The following PPP2R2A variants were observed in gnomAD, a reference collection of about 807,000 sequenced individuals.
PPP2R2A encodes protein phosphatase 2 regulatory subunit Balpha.
In PPP2R2A, 9 loss-of-function variants were observed where a neutral mutation model predicts 53.2. The observed-to-expected ratio is 0.17, with a 90% CI of 0.10 to 0.30. The LOEUF (loss-of-function observed/expected upper bound fraction) is 0.30. Among genes scored for constraint, PPP2R2A ranks in the 10% least tolerant of loss-of-function variants. PPP2R2A has a pLI of 1.00. For missense variants in PPP2R2A, 235 were observed against 534.6 expected, an observed-to-expected ratio of 0.44 and a Z score of 5.53; for synonymous variants, 169 against 174.2, an observed-to-expected ratio of 0.97 and a Z score of 0.23.
intron 3 of PPP2R2A, among the ~76,000 whole-genome samples, chr8:26,343,668 G>A (rs1362825928): frequency 3.9e-5 from 6 of 152,208 alleles, no homozygotes; most frequent in African/African-American, 1.4e-4. Flanking sequence ...GTGAGCCACC[G>A]TGCCTGGCCA....
intron 2 of PPP2R2A, among the ~76,000 whole-genome samples, chr8:26,312,896 T>C (rs1442594188): frequency 6.6e-6 from 1 of 152,192 alleles, no homozygotes; most frequent in Non-Finnish European, 1.5e-5. Flanking sequence ...CTCATGTATA[T>C]AGTTTTTAAA....
At chr8:26,356,605 T>A (rs1432274903) in intron 4 of PPP2R2A, among the ~76,000 whole-genome samples, 6 of 151,338 alleles carry the variant, frequency 4.0e-5, no homozygotes, top group African/African-American at 1.2e-4. Context: ...TTTTAGACAC[T>A]GTTCTTTGGC....
chr8:26,344,027 G>C (rs1332908614), intron 3 of PPP2R2A, among the ~76,000 whole-genome samples: 2 of 152,000 alleles, frequency 1.3e-5, no homozygotes, highest in African/African-American at 4.8e-5. Context: ...TGCCAGCTGG[G>C]GGCCCAGGTA....
chr8:26,298,122 G>T (rs1157991002), intron 2 of PPP2R2A, among the ~76,000 whole-genome samples: 1 of 152,208 alleles, frequency 6.6e-6, no homozygotes, highest in African/African-American at 2.4e-5. Flanking sequence ...GGCCCTTGTG[G>T]GCTATCTTGA....
At chr8:26,313,004 C>T (rs1025123219) in intron 2 of PPP2R2A, among the ~76,000 whole-genome samples, 3 of 151,320 alleles carry the variant, frequency 2.0e-5, no homozygotes, top group Non-Finnish European at 4.4e-5. Context: ...ACTCTTTTAG[C>T]TATTTCTTCT....
At chr8:26,319,630 C>T (rs1016335510) in intron 2 of PPP2R2A, among the ~76,000 whole-genome samples, 1 of 151,966 alleles carries the variant, frequency 6.6e-6, no homozygotes, top group Non-Finnish European at 1.5e-5. Context: ...TTTCCCCATT[C>T]GTTGGTCTTG....
intron 2 of PPP2R2A, among the ~76,000 whole-genome samples, chr8:26,296,667 G>A (rs766634431): frequency 6.6e-5 from 10 of 152,182 alleles, no homozygotes; most frequent in Non-Finnish European, 1.3e-4. Flanking sequence ...CAGGCATGAA[G>A]CTGCTCTGTC....
At chr8:26,327,307 C>T (rs1803140767) in intron 2 of PPP2R2A, among the ~76,000 whole-genome samples, 1 of 152,204 alleles carries the variant, frequency 6.6e-6, no homozygotes, top group African/African-American at 2.4e-5. Flanking sequence ...TACTGCCCTT[C>T]CCGCCCTTCA....
chr8:26,358,577 C>T (rs1361086455), intron 4 of PPP2R2A, among the ~76,000 whole-genome samples: 2 of 152,178 alleles, frequency 1.3e-5, no homozygotes, highest in Non-Finnish European at 2.9e-5. Flanking sequence ...AACTATCATT[C>T]TTCTGTACGA....
intron 2 of PPP2R2A, among the ~76,000 whole-genome samples, chr8:26,299,164 C>T (rs1801671836): frequency 6.6e-6 from 1 of 151,896 alleles, no homozygotes; most frequent in African/African-American, 2.4e-5. Context: ...GTCCCAGCTA[C>T]TAAGGAGGCT....
intron 2 of PPP2R2A, among the ~76,000 whole-genome samples, chr8:26,302,259 A>G (rs919271632): frequency 1.3e-5 from 2 of 152,204 alleles, no homozygotes; most frequent in African/African-American, 4.8e-5. Context: ...CCCATGATGA[A>G]ATTTGAGCTT....
At chr8:26,300,475 G>C (rs1314783470) in intron 2 of PPP2R2A, among the ~76,000 whole-genome samples, 1 of 152,160 alleles carries the variant, frequency 6.6e-6, no homozygotes, top group African/African-American at 2.4e-5. Flanking sequence ...ATCCTCAACT[G>C]TAATCTCGTT....
chr8:26,360,558 C>T lies in PPP2R2A; in HGVS notation c.459+277C>T. On this transcript the variant is annotated intron_variant, in intron 5 of 9. Coordinates refer to ENST00000380737, the MANE Select transcript of PPP2R2A (RefSeq NM_002717.4). This position sits in a 1 kb window ranked among gnomAD's most constrained non-coding sequence, Gnocchi z 4.5. ...TTTGTCATGTTAGCTATCACAAGGT[C>T]AAGTTTCAAGATAAATTTTCTTTGG... 1 of 294,586 alleles carries T rather than the reference C, an allele frequency of 3.4e-6. No individual in the cohort carries two copies. The highest frequency in any genetic ancestry group is 6.2e-6 in the Non-Finnish European group (1 of 161,908). The allele number at this position is 294,586 out of a possible 1,614,324, so 18.2% of individuals were successfully genotyped here. A position where few individuals can be genotyped will look rare whatever the true frequency, so the allele number is the denominator to read the frequency against.
At chr8:26,369,483 C>A (rs1014097573) in intron 9 of PPP2R2A, among the ~76,000 whole-genome samples, 1 of 152,066 alleles carries the variant, frequency 6.6e-6, no homozygotes, top group South Asian at 2.1e-4. Context: ...CTCCACCTCC[C>A]GGGTTCACAC....
chr8:26,366,446 G>T, intron 9 of PPP2R2A, 40 bp downstream of exon 9: 1 of 1,436,884 alleles, frequency 7.0e-7, no homozygotes, highest in Non-Finnish European at 9.5e-7. Context: ...TTTTATTAAA[G>T]AAAAGAAACA....
Position 26,362,030 on chromosome 8 carries a change from TA to T in PPP2R2A, c.638-652del, listed in dbSNP as rs1288811764. ...TATTAAGATTAGATTAAGATTAGAT[TA>T]AGATTAATCTTAAGATTAGATTAAG... On this transcript the variant is annotated intron_variant, in intron 6 of 9. Coordinates refer to ENST00000380737, the MANE Select transcript of PPP2R2A (RefSeq NM_002717.4). The surrounding 1 kb of genome is among the most constrained non-coding windows in gnomAD (Gnocchi z 4.4). 7.1e-6 allele frequency among the ~76,000 whole-genome samples: 1 copy of T among 140,852 alleles called. No homozygotes were observed. Among genetic ancestry groups the T allele is most frequent in the African/African-American group, 2.7e-5 (1 of 37,106 alleles). 92.4% of individuals were successfully genotyped at this position (140,852 alleles called of 152,430 possible).
At position 26,370,556 on chromosome 8, in the gene PPP2R2A, A is replaced by G. The variant is rs1371533048; in HGVS notation, c.*143A>G. 4 of 900,368 alleles carry G rather than the reference A, an allele frequency of 4.4e-6. No individual in the cohort carries two copies. Among genetic ancestry groups the G allele is most frequent in the Non-Finnish European group, 6.7e-6 (4 of 601,390 alleles). The allele number at this position is 900,368 out of a possible 1,614,324, so 55.8% of individuals were successfully genotyped here. ...GTGCCATTCGACAACACATTGTTAT[A>G]GCTACATGGAGAAAGCTCTGTGGAT... On this transcript the variant is annotated 3_prime_UTR_variant, in exon 10 of 10. Coordinates refer to ENST00000380737, the MANE Select transcript of PPP2R2A (RefSeq NM_002717.4). The surrounding 1 kb of genome is among the most constrained non-coding windows in gnomAD (Gnocchi z 6.1).
At chr8:26,361,789 G>A (rs557609425) in intron 6 of PPP2R2A, among the ~76,000 whole-genome samples, 63 of 151,896 alleles carry the variant, frequency 4.1e-4, no homozygotes, top group African/African-American at 1.3e-3. Context: ...GTGAAACCCC[G>A]TCTCTCCTAA....
chr8:26,293,299 T>TA, intron 1 of PPP2R2A: 1 of 1,524,650 alleles, frequency 6.6e-7, no homozygotes, highest in Non-Finnish European at 8.8e-7. Context: ...TTAACCTTAT[T>TA]AACTCTTCTG....
Sources: gnomAD v4.1 joint callset for allele counts (sites outside exome capture counted in the v4.1 genomes callset) on GRCh38, gnomAD v4.1.1 for gene constraint, Gnocchi (gnomAD v3.1) non-coding constraint, MANE v1.5 for transcripts, NCBI Gene and HGNC (gene_info 2026-07-23, HGNC 2026-07-21) for gene names.